RBCK1: variants seen among roughly 807,000 people sequenced by gnomAD.
RBCK1 encodes the protein ranBP-type and C3HC4-type zinc finger-containing protein 1.
Under a neutral mutation model 71.1 loss-of-function variants are expected in RBCK1, and 44 were observed. The ratio of observed to expected loss-of-function variants is 0.62; its 90% CI spans 0.49 to 0.80. RBCK1 has a LOEUF of 0.80. Among genes scored for constraint, RBCK1 ranks in the 30% least tolerant of loss-of-function variants. The pLI is 0.00. For synonymous variants in RBCK1, 306 were observed against 279.7 expected, an observed-to-expected ratio of 1.09 and a Z score of -0.94; for missense variants, 569 against 685.0, an observed-to-expected ratio of 0.83 and a Z score of 1.89.
In RBCK1 at chr20:428,889, G is replaced by T; in HGVS notation, c.1309-62G>T. On this transcript the variant is annotated intron_variant, in intron 10 of 11. Transcript: ENST00000356286. The surrounding 1 kb of genome is among the most constrained non-coding windows in gnomAD (Gnocchi z 5.7). Reference sequence around the variant, plus strand: ...GTCACCACCTTCTCCCTGCCATGGGGAGGGGCCAGGCTGGGTGACTGCCCC... The same window carrying T: ...GTCACCACCTTCTCCCTGCCATGGGTAGGGGCCAGGCTGGGTGACTGCCCC... 5 of 1,530,474 alleles carry T rather than the reference G, an allele frequency of 3.3e-6. No homozygotes were observed. In the South Asian group the frequency reaches 6.2e-5, roughly 19 times the overall value. The allele number at this position is 1,530,474 out of a possible 1,614,324, so 94.8% of individuals were successfully genotyped here. A position where few individuals can be genotyped will look rare whatever the true frequency, so the allele number is the denominator to read the frequency against.
chr20:410,963 A>C (rs1156926486), intron 2 of RBCK1, among the ~76,000 whole-genome samples: 1 of 152,156 alleles, frequency 6.6e-6, no homozygotes, highest in East Asian at 1.9e-4. Context: ...GCCACAATCA[A>C]TTTTAGAACA....
chr20:420,795 C>T, intron 6 of RBCK1, 76 bp from the exon 7 acceptor site: 3 of 1,378,324 alleles, frequency 2.2e-6, no homozygotes, highest in Non-Finnish European at 2.9e-6. Flanking sequence ...ACCACGCCCC[C>T]TGGCCCTTCC....
At position 430,430 on chromosome 20, in the gene RBCK1, A is replaced by G; in HGVS notation, c.1533A>G (p.Ter511TrpextTer9). The change falls in exon 12 of 12, where the codon TGA becomes TGG. Residue 511 changes from the stop codon to tryptophan (W), a stop_lost. Coordinates refer to ENST00000356286, the MANE Select transcript of RBCK1 (RefSeq NM_031229.4). This position sits in a 1 kb window ranked among gnomAD's most constrained non-coding sequence, Gnocchi z 5.6. ...PCHPSCQNCH[*>W] Reference sequence around the variant, plus strand: ...ACCCAAGCTGTCAGAACTGCCACTGAGCTAAAGATGGTGGGGCCACATGCT... The same window carrying G: ...ACCCAAGCTGTCAGAACTGCCACTGGGCTAAAGATGGTGGGGCCACATGCT... 6.2e-7 allele frequency: 1 copy of G among 1,609,138 alleles called. No homozygotes were observed. Among genetic ancestry groups the G allele is most frequent in the Non-Finnish European group, 8.5e-7 (1 of 1,175,474 alleles).
At chr20:411,758 ACCT>A (rs1269761195) in intron 2 of RBCK1, among the ~76,000 whole-genome samples, 4 of 151,932 alleles carry the variant, frequency 2.6e-5, no homozygotes, top group Non-Finnish European at 5.9e-5. Context: ...CAGTCTTCCC[ACCT>A]CAGCCTCTCA....
At chr20:421,165 C>A in intron 7 of RBCK1, 134 bp downstream of exon 7, 1 of 1,158,468 alleles carries the variant, frequency 8.6e-7, no homozygotes, top group Non-Finnish European at 1.2e-6. Context: ...TAGGCTCCGT[C>A]TCCCCATGTT....
rs1301599917 is a variant in RBCK1, at chr20:419,363, C to T, written c.477C>T (p.Asp159=). 25 of 1,612,154 alleles carry T rather than the reference C, an allele frequency of 1.6e-5. No homozygotes were observed. The highest frequency in any genetic ancestry group is 2.0e-5 in the Non-Finnish European group (24 of 1,179,838). Residue 159 remains aspartate (D), a synonymous_variant, in exon 5 of 12, where the codon GAC becomes GAT. Transcript: ENST00000356286. ...LRMLEDLGFK[D]LTLQPRGPLE... is the part of the protein sequence containing the mutation. ...CCTCCACAGATCTGGGCTTCAAGGA[C>T]CTCACGCTGCAGCCGCGGGGCCCTC... is the stretch of plus-strand genomic sequence containing the variant.
At position 422,603 on chromosome 20, in the gene RBCK1, G is replaced by A. The variant is rs1239231999; in HGVS notation, c.1029+365G>A. On this transcript the variant is annotated intron_variant, in intron 8 of 11. Transcript: ENST00000356286. This position sits in a 1 kb window ranked among gnomAD's most constrained non-coding sequence, Gnocchi z 5.0. ...CCAGCACTTTGGGAGGATGAAGTGG[G>A]CAGATTGCTTGAACCCATGAGTTCC... is the stretch of plus-strand genomic sequence containing the variant. 6.6e-6 allele frequency among the ~76,000 whole-genome samples: 1 copy of A among 152,126 alleles called. No individual in the cohort carries two copies. The highest frequency in any genetic ancestry group is 1.5e-5 in the Non-Finnish European group (1 of 68,024).
chr20:416,926 C>G (rs988157778), intron 2 of RBCK1, among the ~76,000 whole-genome samples: 2 of 152,162 alleles, frequency 1.3e-5, no homozygotes, highest in South Asian at 4.1e-4. Flanking sequence ...GAGGTTGATA[C>G]TGCAGTGAGC....
In RBCK1 at chr20:419,664, AC is replaced by A. The variant is rs2122245690; in HGVS notation, c.691del (p.Gln231SerfsTer45). 6.3e-7 allele frequency: 1 copy of A among 1,582,326 alleles called. No individual in the cohort carries two copies. The highest frequency in any genetic ancestry group is 1.1e-5 in the South Asian group (1 of 87,490). On this transcript the variant is annotated frameshift_variant, in exon 6 of 12. Transcript: ENST00000356286. LOFTEE classifies it high-confidence loss of function. ...RPEAYQVPAS[Y>X]QPDEEERARL... ...GAGGCCTACCAGGTCCCCGCCTCATACCAGCCCGACGAGGAGGAGCGAGCGC... is the reference window on the plus strand; with the variant it reads ...GAGGCCTACCAGGTCCCCGCCTCATACAGCCCGACGAGGAGGAGCGAGCGC...
rs1310852867 is a variant in RBCK1, at chr20:417,132, T to C, written c.168-394T>C. 2 of 466,060 alleles carry C rather than the reference T, an allele frequency of 4.3e-6. No individual in the cohort carries two copies. Among genetic ancestry groups the C allele is most frequent in the Non-Finnish European group, 8.9e-6 (2 of 224,214 alleles). 28.9% of individuals were successfully genotyped at this position (466,060 alleles called of 1,614,324 possible). A position where few individuals can be genotyped will look rare whatever the true frequency, so the allele number is the denominator to read the frequency against. On this transcript the variant is annotated intron_variant, in intron 2 of 11. Transcript: ENST00000356286. The surrounding 1 kb of genome is among the most constrained non-coding windows in gnomAD (Gnocchi z 4.7). ...CAGCAGTACCTGTCTGATGGGTTGG[T>C]TGAGAGGATTAAATGAGTTAATACA...
In RBCK1 at chr20:421,040, C is replaced by T. The variant is rs752577528; in HGVS notation, c.917+9C>T. 24 of 1,536,468 alleles carry T rather than the reference C, an allele frequency of 1.6e-5. No homozygotes were observed. The highest frequency in any genetic ancestry group is 1.6e-5 in the Non-Finnish European group (18 of 1,138,478). ...CTGCACACCTTCTGCAGGTGCGGCC[C>T]CCAGTCCCACCCCCGGCAATGCAGC... On this transcript the variant is annotated intron_variant, in intron 7 of 11. Coordinates refer to ENST00000356286, the MANE Select transcript of RBCK1 (RefSeq NM_031229.4).
Position 417,533 on chromosome 20 carries a change from G to A in RBCK1, c.175G>A (p.Val59Met). ...CCCTGCTGTTCTCTGCAGGCTGTGG[G>A]TGAGCGTGGAGGATGCTCAGATGCA... ...VSPTQDIRLW[V>M]SVEDAQMHTV... The change falls in exon 3 of 12, where the codon GTG (valine) becomes ATG (methionine). Residue 59 changes from valine (V) to methionine (M), a missense_variant. Physicochemically the swap from Val to Met is conservative, Grantham distance 21 (BLOSUM62 1). Transcript: ENST00000356286. This position sits in a 1 kb window ranked among gnomAD's most constrained non-coding sequence, Gnocchi z 4.7. 6.2e-7 allele frequency: 1 copy of A among 1,613,318 alleles called. No individual in the cohort carries two copies. Among genetic ancestry groups the A allele is most frequent in the Non-Finnish European group, 8.5e-7 (1 of 1,179,978 alleles).
At chr20:412,325 CT>C (rs147592534) in intron 2 of RBCK1, among the ~76,000 whole-genome samples, 169 of 145,374 alleles carry the variant, frequency 1.2e-3, no homozygotes, top group Non-Finnish European at 1.1e-3. Flanking sequence ...TTGGGTTTAT[CT>C]TTTTTTTTTT....
Position 422,101 on chromosome 20 carries a change from A to T in RBCK1, c.918-26A>T. On this transcript the variant is annotated intron_variant, in intron 7 of 11. Coordinates refer to ENST00000356286, the MANE Select transcript of RBCK1 (RefSeq NM_031229.4). The surrounding 1 kb of genome is among the most constrained non-coding windows in gnomAD (Gnocchi z 5.0). ...CAGTGAAGGGGGTTCCTATGATCCT[A>T]ACTCTTTTCCCCTCCCCTCCCCTAG... is the stretch of plus-strand genomic sequence containing the variant. The T allele has an allele frequency of 6.3e-7, 1 of 1,586,094 alleles. No homozygotes were observed. Among genetic ancestry groups the T allele is most frequent in the Non-Finnish European group, 8.6e-7 (1 of 1,160,458 alleles).
chr20:408,814 G>T, intron 1 of RBCK1, 35 bp downstream of exon 1: 1 of 1,598,212 alleles, frequency 6.3e-7, no homozygotes, highest in Non-Finnish European at 8.5e-7. Flanking sequence ...GGGAACTTCC[G>T]GTGGGAAGTG....
At chr20:409,818 C>G in intron 1 of RBCK1, 63 bp from the exon 2 acceptor site, 1 of 1,571,606 alleles carries the variant, frequency 6.4e-7, no homozygotes, top group Non-Finnish European at 8.6e-7. Context: ...TTTCCTACCC[C>G]ATTACTCTCA....
At position 422,647 on chromosome 20, in the gene RBCK1, T is replaced by C. The variant is rs1266981440; in HGVS notation, c.1029+409T>C. Among the ~76,000 whole-genome samples the C allele has an allele frequency of 6.6e-6, 1 of 151,980 alleles. No homozygotes were observed. The highest frequency in any genetic ancestry group is 2.4e-5 in the African/African-American group (1 of 41,362). On this transcript the variant is annotated intron_variant, in intron 8 of 11. Coordinates refer to ENST00000356286, the MANE Select transcript of RBCK1 (RefSeq NM_031229.4). This position sits in a 1 kb window ranked among gnomAD's most constrained non-coding sequence, Gnocchi z 5.0. ...GAGTTCCAGACCAACCTGGGCAACA[T>C]GGCAAAAAATATTCAAAAAATAGCC...
At position 422,207 on chromosome 20, in the gene RBCK1, C is replaced by T. The variant is rs143194967; in HGVS notation, c.998C>T (p.Ser333Leu). Residue 333 changes from serine to leucine, a missense_variant, in exon 8 of 12, where the codon TCG becomes TTG. Transcript: ENST00000356286. This position sits in a 1 kb window ranked among gnomAD's most constrained non-coding sequence, Gnocchi z 5.0. ...TTCATTGACAACACCTACTCGTGCT[C>T]GGGCAAGCTGCTGGAGAGGGAGATC... ...CPFIDNTYSC[S>L]GKLLEREIKA... is the part of the protein sequence containing the mutation. The T allele has an allele frequency of 2.3e-4, 368 of 1,613,366 alleles. No individual in the cohort carries two copies. The highest frequency in any genetic ancestry group is 8.2e-4 in the East Asian group (37 of 44,864).
chr20:428,642 T>TG lies in RBCK1; in HGVS notation c.1308+58dup. The TG allele has an allele frequency of 6.6e-7, 1 of 1,511,386 alleles. No homozygotes were observed. The highest frequency in any genetic ancestry group is 8.9e-7 in the Non-Finnish European group (1 of 1,121,986). 93.6% of individuals were successfully genotyped at this position (1,511,386 alleles called of 1,614,324 possible). On this transcript the variant is annotated intron_variant, in intron 10 of 11. Transcript: ENST00000356286. The surrounding 1 kb of genome is among the most constrained non-coding windows in gnomAD (Gnocchi z 5.7). ...GGGATTTTAAGTTCTGGGATCCAGG[T>TG]GGGGGCTGGGGGCTTCCCAGTAAGG...
Sources: gnomAD v4.1 joint callset for allele counts (sites outside exome capture counted in the v4.1 genomes callset) on GRCh38, gnomAD v4.1.1 for gene constraint, Gnocchi (gnomAD v3.1) non-coding constraint, MANE v1.5 for transcripts, NCBI Gene and HGNC (gene_info 2026-07-23, HGNC 2026-07-21) for gene names.